The following SMARCB1 variants were observed in gnomAD, a reference collection of about 807,000 sequenced individuals.
The protein encoded by SMARCB1 is SWI/SNF-related matrix-associated actin-dependent regulator of chromatin subfamily B member 1.
Under a neutral mutation model 49.0 loss-of-function variants are expected in SMARCB1, and 5 were observed. That is an observed-to-expected ratio of 0.10 (90% CI 0.05 to 0.21). SMARCB1 has a LOEUF of 0.21. SMARCB1 is among the 10% of genes least tolerant of loss of function. The pLI, the probability that SMARCB1 is intolerant of heterozygous loss-of-function variation, is 1.00. For synonymous variants in SMARCB1, 201 were observed against 200.1 expected (o/e 1.00, Z -0.04); for missense variants, 226 against 509.2 (o/e 0.44, Z 5.35).
Position 23,835,824 on chromosome 22 carries a change from C to T in SMARCB1, c.*1644C>T, listed in dbSNP as rs35129916. 1.4e-5 allele frequency: 14 copies of T among 985,428 alleles called. No homozygotes were observed. The East Asian group carries it at 1.4e-3, about 96-fold the overall frequency. The allele number at this position is 985,428 out of a possible 1,614,324, so 61.0% of individuals were successfully genotyped here. The stretch of plus-strand genomic sequence containing the variant: ...TGGCTGCCTCACCCCACAGGTCGGG[C>T]AGGGCCACCTGGCTGGGAGGTGCCG... On this transcript the variant is annotated 3_prime_UTR_variant, in exon 9 of 9. Coordinates refer to ENST00000644036, the MANE Select transcript of SMARCB1 (RefSeq NM_003073.5).
At chr22:23,816,715 T>A in intron 5 of SMARCB1, 55 bp from the exon 6 acceptor site, 1 of 1,516,510 alleles carries the variant, frequency 6.6e-7, no homozygotes. Context: ...GGGAGGCCGG[T>A]CCATGCCCAA....
At chr22:23,810,995 C>G (rs1029661175) in intron 5 of SMARCB1, among the ~76,000 whole-genome samples, 1 of 149,404 alleles carries the variant, frequency 6.7e-6, no homozygotes, top group Non-Finnish European at 1.5e-5. Context: ...TGAGATGACA[C>G]CATTGCACTC....
chr22:23,818,947 C>A (rs1359290632), intron 6 of SMARCB1, among the ~76,000 whole-genome samples: 1 of 151,366 alleles, frequency 6.6e-6, no homozygotes, highest in Non-Finnish European at 1.5e-5. Context: ...CTCAAGTGAT[C>A]CACCCGGTGC....
At chr22:23,790,504 T>C (rs1430689511) in intron 1 of SMARCB1, among the ~76,000 whole-genome samples, 5 of 152,228 alleles carry the variant, frequency 3.3e-5, no homozygotes, top group African/African-American at 1.2e-4. Flanking sequence ...AAGACCAGCC[T>C]GGGCAACATA....
intron 5 of SMARCB1, chr22:23,816,454 C>A: frequency 1.9e-6 from 1 of 533,174 alleles, no homozygotes; most frequent in Non-Finnish European, 3.4e-6. Context: ...CCTTTGCTGG[C>A]CTCGCCTGGA....
At chr22:23,789,040 G>C (rs1041121725) in intron 1 of SMARCB1, among the ~76,000 whole-genome samples, 3 of 152,114 alleles carry the variant, frequency 2.0e-5, no homozygotes, top group Non-Finnish European at 4.4e-5. Flanking sequence ...AGTAAAGATG[G>C]GGTTTTACCA....
At chr22:23,825,481 C>G (rs2030335436) in intron 7 of SMARCB1, 66 bp downstream of exon 7, 1 of 1,409,796 alleles carries the variant, frequency 7.1e-7, no homozygotes, top group South Asian at 1.2e-5. Flanking sequence ...AAAGACTTCT[C>G]TGTGTGAGCG....
chr22:23,832,572 G>GT (rs1160442379), intron 7 of SMARCB1, among the ~76,000 whole-genome samples: 1 of 152,194 alleles, frequency 6.6e-6, no homozygotes, highest in African/African-American at 2.4e-5. Context: ...GAGAGTCATG[G>GT]TTAGGACCTC....
intron 6 of SMARCB1, 161 bp downstream of exon 6, chr22:23,817,097 G>A: frequency 1.5e-6 from 1 of 660,936 alleles, no homozygotes; most frequent in Non-Finnish European, 2.7e-6. Flanking sequence ...CAATCCCCCA[G>A]GAAGGGCATA....
chr22:23,814,225 G>A (rs1930047472), intron 5 of SMARCB1, among the ~76,000 whole-genome samples: 1 of 152,152 alleles, frequency 6.6e-6, no homozygotes, highest in Non-Finnish European at 1.5e-5. Flanking sequence ...TGGTATTGGT[G>A]GAGTGACATA....
chr22:23,805,797 G>A lies in SMARCB1; in HGVS notation c.628+2375G>A, dbSNP rs1255665677. On this transcript the variant is annotated intron_variant, in intron 5 of 8. Coordinates refer to ENST00000644036, the MANE Select transcript of SMARCB1 (RefSeq NM_003073.5). ...TGGGATTACAGGCGTGAGCCACCGC[G>A]CCCGGCTGCTGTTTCTCTTAACATA... is the stretch of plus-strand genomic sequence containing the variant. Among the ~76,000 whole-genome samples the A allele has an allele frequency of 3.3e-5, 5 of 152,328 alleles. No individual in the cohort carries two copies. The East Asian group carries it at 9.7e-4, about 29-fold the overall frequency.
intron 1 of SMARCB1, among the ~76,000 whole-genome samples, chr22:23,791,046 C>T (rs1174215827): frequency 6.6e-6 from 1 of 152,056 alleles, no homozygotes; most frequent in African/African-American, 2.4e-5. Flanking sequence ...ACCTGGCACC[C>T]AGTCTATTGG....
Position 23,835,086 on chromosome 22 carries a change from C to A in SMARCB1, c.*906C>A. On this transcript the variant is annotated 3_prime_UTR_variant, in exon 9 of 9. Coordinates refer to ENST00000644036, the MANE Select transcript of SMARCB1 (RefSeq NM_003073.5). ...GTGGCCTGGGCCAGCTCCTGCCTTACAAGCCAGCTGTGAGGAATATGGGAA... is the reference window on the plus strand; with the variant it reads ...GTGGCCTGGGCCAGCTCCTGCCTTAAAAGCCAGCTGTGAGGAATATGGGAA... The A allele has an allele frequency of 7.2e-7, 1 of 1,397,700 alleles. No individual in the cohort carries two copies. The highest frequency in any genetic ancestry group is 9.3e-7 in the Non-Finnish European group (1 of 1,079,046). 86.6% of individuals were successfully genotyped at this position (1,397,700 alleles called of 1,614,324 possible).
chr22:23,833,875 T>C (rs1245325714), intron 8 of SMARCB1, among the ~76,000 whole-genome samples, 172 bp downstream of exon 8: 1 of 152,238 alleles, frequency 6.6e-6, no homozygotes, highest in African/African-American at 2.4e-5. Context: ...CGCCAGGGTA[T>C]GTTTCCCTGC....
At chr22:23,790,679 C>CA (rs1380315495) in intron 1 of SMARCB1, among the ~76,000 whole-genome samples, 1 of 151,860 alleles carries the variant, frequency 6.6e-6, no homozygotes, top group Admixed American at 6.6e-5. Flanking sequence ...TCCGTCTCTA[C>CA]AAAAAATACA....
At chr22:23,817,227 G>A in intron 6 of SMARCB1, 2 of 533,346 alleles carry the variant, frequency 3.7e-6, no homozygotes, top group South Asian at 2.3e-5. Flanking sequence ...CTGATTGGCT[G>A]GGCCAGGCTG....
Position 23,837,673 on chromosome 22 carries a change from A to G in SMARCB1, c.*3493A>G, listed in dbSNP as rs1017619130. On this transcript the variant is annotated 3_prime_UTR_variant, in exon 9 of 9. Coordinates refer to ENST00000644036, the MANE Select transcript of SMARCB1 (RefSeq NM_003073.5). Reference sequence around the variant, plus strand: ...GGGAGGCTCACCCAGCAGGTCCACGAGGATGGAGTTGCCCAGCAGCAGCGA... The same window carrying G: ...GGGAGGCTCACCCAGCAGGTCCACGGGGATGGAGTTGCCCAGCAGCAGCGA... 2 of 1,613,232 alleles carry G rather than the reference A, an allele frequency of 1.2e-6. No homozygotes were observed. The highest frequency in any genetic ancestry group is 1.3e-5 in the African/African-American group (1 of 74,912).
intron 3 of SMARCB1, among the ~76,000 whole-genome samples, chr22:23,797,452 GTGTC>G (rs942626059): frequency 6.6e-5 from 10 of 150,956 alleles, no homozygotes; most frequent in African/African-American, 2.4e-4. Context: ...GGAACTACAG[GTGTC>G]TGTCACCACG....
intron 6 of SMARCB1, among the ~76,000 whole-genome samples, chr22:23,822,179 C>A (rs2030126291): frequency 6.6e-6 from 1 of 152,258 alleles, no homozygotes; most frequent in South Asian, 2.1e-4. Context: ...AAAGCCCAGG[C>A]CTGGCTGCCC....
Sources: gnomAD v4.1 joint callset for allele counts (sites outside exome capture counted in the v4.1 genomes callset) on GRCh38, gnomAD v4.1.1 for gene constraint, MANE v1.5 for transcripts, NCBI Gene and HGNC (gene_info 2026-07-23, HGNC 2026-07-21) for gene names.